The following OLFML2B variants were observed in gnomAD, a reference collection of about 807,000 sequenced individuals.
The protein encoded by OLFML2B is olfactomedin-like protein 2B.
In OLFML2B, 57 loss-of-function variants were observed where a neutral mutation model predicts 74.9. That is an observed-to-expected ratio of 0.76 (90% CI 0.61 to 0.95). OLFML2B has a LOEUF of 0.95. Ranked by LOEUF, OLFML2B falls within the 40% of genes least tolerant of loss-of-function variation. The pLI is 0.00. For synonymous variants in OLFML2B, 388 were observed against 405.8 expected, an observed-to-expected ratio of 0.96 and a Z score of 0.53; for missense variants, 986 against 970.6, an observed-to-expected ratio of 1.02 and a Z score of -0.21.
intron 3 of OLFML2B, among the ~76,000 whole-genome samples, chr1:162,008,529 C>G (rs1384735540): frequency 6.6e-6 from 1 of 152,154 alleles, no homozygotes; most frequent in Non-Finnish European, 1.5e-5. Flanking sequence ...TGTCAAAAAG[C>G]CGGAGAATAC....
At chr1:162,023,207 C>G (rs1381666883) in intron 1 of OLFML2B, 50 bp downstream of exon 1, 1 of 1,440,576 alleles carries the variant, frequency 6.9e-7, no homozygotes, top group Non-Finnish European at 9.2e-7. Flanking sequence ...GCTTCTGGCT[C>G]TCACCACCAT....
intron 1 of OLFML2B, among the ~76,000 whole-genome samples, chr1:162,022,495 C>T (rs940674594): frequency 2.6e-5 from 4 of 151,970 alleles, no homozygotes; most frequent in African/African-American, 7.3e-5. Flanking sequence ...GTGATCTGCC[C>T]GCCTCGGCCT....
chr1:161,984,337 G>A (rs1364011050), intron 7 of OLFML2B, 61 bp from the exon 8 acceptor site: 7 of 1,505,856 alleles, frequency 4.6e-6, no homozygotes, highest in Non-Finnish European at 6.2e-6. Flanking sequence ...GGCAGCCCAT[G>A]TGGTTAAGTG....
intron 3 of OLFML2B, among the ~76,000 whole-genome samples, chr1:162,016,154 A>G (rs1284165410): frequency 6.6e-6 from 1 of 152,234 alleles, no homozygotes; most frequent in East Asian, 1.9e-4. Context: ...TGGCAAAGTA[A>G]TGTAGGAATG....
At chr1:161,990,451 A>C (rs1463540961) in intron 6 of OLFML2B, among the ~76,000 whole-genome samples, 2 of 152,240 alleles carry the variant, frequency 1.3e-5, no homozygotes, top group African/African-American at 4.8e-5. Flanking sequence ...TTTCCCAGTG[A>C]GTATAAAAGT....
intron 4 of OLFML2B, among the ~76,000 whole-genome samples, chr1:162,001,902 G>A (rs556224790): frequency 1.2e-4 from 18 of 152,332 alleles, no homozygotes; most frequent in Admixed American, 5.2e-4. Flanking sequence ...AACAAATGAT[G>A]CTCATATGGC....
chr1:161,999,402 GC>G (rs1271425725), intron 5 of OLFML2B, among the ~76,000 whole-genome samples: 1 of 152,088 alleles, frequency 6.6e-6, no homozygotes, highest in Non-Finnish European at 1.5e-5. Context: ...AAACACATGG[GC>G]AAAATGATGA....
chr1:162,001,659 A>C (rs1158366848), intron 4 of OLFML2B, among the ~76,000 whole-genome samples: 1 of 152,170 alleles, frequency 6.6e-6, no homozygotes, highest in East Asian at 1.9e-4. Flanking sequence ...TAATGAATAT[A>C]AGTCTGTGCT....
Position 162,017,420 on chromosome 1 carries a change from G to T in OLFML2B, c.526C>A (p.Arg176=). Residue 176 remains arginine, a synonymous_variant, in exon 3 of 8, where the codon CGA becomes AGA. Transcript: ENST00000294794. ...LHSVTTKLVG[R]VDKLEEEVSK... is the part of the protein sequence containing the mutation. The stretch of plus-strand genomic sequence containing the variant: ...CTTACCTCCTCCAGTTTATCCACTC[G>T]CCCCACCAGTTTGGTGGTGACTGAA... The T allele has an allele frequency of 2.5e-6, 4 of 1,612,258 alleles. No homozygotes were observed. The South Asian group carries it at 3.3e-5, about 13-fold the overall frequency.
At position 161,998,160 on chromosome 1, in the gene OLFML2B, G is replaced by T; in HGVS notation, c.1139C>A (p.Thr380Asn). 1 of 1,614,116 alleles carries T rather than the reference G, an allele frequency of 6.2e-7. No individual in the cohort carries two copies. Among genetic ancestry groups the T allele is most frequent in the Non-Finnish European group, 8.5e-7 (1 of 1,180,046 alleles). ...ATGGTTGGCGATGCTGGGATCTGAG[G>T]TCGAGGGCTGTGGCAGTGCTGAGGA... ...PWSSALPQPS[T>N]SDPSIANHAS... The change falls in exon 6 of 8, where the codon ACC (threonine) becomes AAC (asparagine). Residue 380 changes from threonine to asparagine, a missense_variant. Thr to Asn is a moderately conservative substitution (Grantham distance 65, BLOSUM62 0). Coordinates refer to ENST00000294794, the MANE Select transcript of OLFML2B (RefSeq NM_015441.3).
intron 5 of OLFML2B, among the ~76,000 whole-genome samples, chr1:161,999,436 A>T (rs1215758327): frequency 6.6e-6 from 1 of 152,202 alleles, no homozygotes; most frequent in East Asian, 1.9e-4. Flanking sequence ...GGTGGAGAAT[A>T]AACATGGTGG....
intron 3 of OLFML2B, among the ~76,000 whole-genome samples, chr1:162,014,395 T>C (rs1273768614): frequency 2.0e-5 from 3 of 152,200 alleles, no homozygotes; most frequent in Non-Finnish European, 4.4e-5. Flanking sequence ...TACCTCCTCC[T>C]ATATACCCAA....
At chr1:162,017,695 T>C (rs1331388859) in intron 2 of OLFML2B, among the ~76,000 whole-genome samples, 188 bp from the exon 3 acceptor site, 2 of 152,232 alleles carry the variant, frequency 1.3e-5, no homozygotes, top group Admixed American at 1.3e-4. Context: ...GCATTCTGCC[T>C]TCCGAAATGT....
chr1:162,010,091 CA>C (rs1398714071), intron 3 of OLFML2B, among the ~76,000 whole-genome samples: 1 of 152,172 alleles, frequency 6.6e-6, no homozygotes, highest in East Asian at 1.9e-4. Context: ...TGGCCCCTGC[CA>C]AGGATCCTGG....
intron 3 of OLFML2B, among the ~76,000 whole-genome samples, chr1:162,016,197 GTTTAA>G (rs567290740): frequency 1.3e-5 from 2 of 152,194 alleles, no homozygotes; most frequent in Non-Finnish European, 2.9e-5. Flanking sequence ...TCAGAGCCTT[GTTTAA>G]TTTAACCATT....
chr1:161,987,343 TA>T (rs954867566), intron 6 of OLFML2B, among the ~76,000 whole-genome samples: 95 of 151,764 alleles, frequency 6.3e-4, no homozygotes, highest in Non-Finnish European at 1.1e-3. Flanking sequence ...TGTGATTACA[TA>T]AAAAAAATCC....
At position 162,023,300 on chromosome 1, in the gene OLFML2B, G is replaced by T. The variant is rs769190005; in HGVS notation, c.131C>A (p.Thr44Asn). 1 of 1,594,916 alleles carries T rather than the reference G, an allele frequency of 6.3e-7. No individual in the cohort carries two copies. Among genetic ancestry groups the T allele is most frequent in the Non-Finnish European group, 8.6e-7 (1 of 1,168,080 alleles). Residue 44 changes from threonine to asparagine, a missense_variant, in exon 1 of 8, where the codon ACT becomes AAT. Physicochemically the swap from Thr to Asn is moderately conservative, Grantham distance 65 (BLOSUM62 0). Coordinates refer to ENST00000294794, the MANE Select transcript of OLFML2B (RefSeq NM_015441.3). ...CTGGTTGTCCGCCTCGTTTTGCAGA[G>T]TCTCGTCCTCCGCAGGCGCCACTGT... is the stretch of plus-strand genomic sequence containing the variant. ...AQTVAPAEDE[T>N]LQNEADNQEN...
intron 5 of OLFML2B, among the ~76,000 whole-genome samples, chr1:161,999,373 C>CA (rs916163190): frequency 5.9e-5 from 9 of 151,658 alleles, no homozygotes; most frequent in Non-Finnish European, 1.2e-4. Context: ...ATCAATGACA[C>CA]AAAAAAAATG....
At position 161,984,249 on chromosome 1, in the gene OLFML2B, G is replaced by A. The variant is rs770109507; in HGVS notation, c.1679C>T (p.Pro560Leu). The A allele has an allele frequency of 2.6e-6, 4 of 1,524,684 alleles. No individual in the cohort carries two copies. The highest frequency in any genetic ancestry group is 1.4e-5 in the African/African-American group (1 of 72,048). 94.4% of individuals were successfully genotyped at this position (1,524,684 alleles called of 1,614,324 possible). A position where few individuals can be genotyped will look rare whatever the true frequency, so the allele number is the denominator to read the frequency against. The change falls in exon 8 of 8, where the codon CCG becomes CTG. Residue 560 changes from proline (P) to leucine (L), a missense_variant. Transcript: ENST00000294794. The stretch of plus-strand genomic sequence containing the variant: ...GTGGCCTGTGCCGATCCAGCTGTAC[G>A]GGAGCTTGTAGGAATTGCTCCAGCG... ...QGRWSNSYKL[P>L]YSWIGTGHVV... is the part of the protein sequence containing the mutation.
Sources: gnomAD v4.1 joint callset for allele counts (sites outside exome capture counted in the v4.1 genomes callset) on GRCh38, gnomAD v4.1.1 for gene constraint, MANE v1.5 for transcripts, NCBI Gene and HGNC (gene_info 2026-07-23, HGNC 2026-07-21) for gene names.